Variants in MED12L observed in about 807,000 individuals in gnomAD.
MED12L encodes mediator of RNA polymerase II transcription subunit 12-like protein.
In MED12L, 60 loss-of-function variants were observed where a neutral mutation model predicts 281.3. The observed-to-expected ratio is 0.21, with a 90% CI of 0.17 to 0.26. MED12L has a LOEUF of 0.26. Ranked by LOEUF, MED12L falls within the 10% of genes least tolerant of loss-of-function variation. The pLI is 1.00. For synonymous variants in MED12L, 974 were observed against 987.2 expected, an observed-to-expected ratio of 0.99 and a Z score of 0.25; for missense variants, 2,146 against 2,680.9, an observed-to-expected ratio of 0.80 and a Z score of 4.41.
intron 16 of MED12L, among the ~76,000 whole-genome samples, chr3:151,250,583 A>G (rs1011409510): frequency 1.1e-4 from 17 of 152,306 alleles, no homozygotes; most frequent in African/African-American, 4.1e-4. Context: ...AGGTTCATGC[A>G]TTTTGTAGCA....
intron 43 of MED12L, among the ~76,000 whole-genome samples, chr3:151,417,328 G>T (rs955862305): frequency 6.6e-6 from 1 of 152,092 alleles, no homozygotes; most frequent in African/African-American, 2.4e-5. Context: ...GTGGTATAGA[G>T]ATAGTACATG....
At chr3:151,309,066 CAT>C (rs1747089838) in intron 16 of MED12L, among the ~76,000 whole-genome samples, 2 of 151,752 alleles carry the variant, frequency 1.3e-5, no homozygotes, top group African/African-American at 4.9e-5. Context: ...CACCCTCACC[CAT>C]ATGTAGTAAA....
At chr3:151,171,883 C>T (rs1721475261) in intron 11 of MED12L, among the ~76,000 whole-genome samples, 1 of 152,188 alleles carries the variant, frequency 6.6e-6, no homozygotes, top group African/African-American at 2.4e-5. Context: ...GTCTATGTTT[C>T]TTCTTCTCCT....
chr3:151,362,672 A>G (rs1434013299), intron 21 of MED12L, among the ~76,000 whole-genome samples: 1 of 152,130 alleles, frequency 6.6e-6, no homozygotes, highest in East Asian at 1.9e-4. Context: ...TTTCACTGCT[A>G]CATCCCAGTG....
intron 3 of MED12L, among the ~76,000 whole-genome samples, chr3:151,119,646 T>C (rs1401067084): frequency 6.6e-6 from 1 of 152,204 alleles, no homozygotes; most frequent in Non-Finnish European, 1.5e-5. Context: ...AGAGTATGAA[T>C]GCTTTATGTC....
intron 33 of MED12L, 111 bp from the exon 34 acceptor site, chr3:151,383,668 G>T: frequency 6.1e-6 from 4 of 651,058 alleles, no homozygotes; most frequent in Non-Finnish European, 8.0e-6. Context: ...ATAAACTAGA[G>T]CATCCCTTGT....
In MED12L at chr3:151,432,933, A is replaced by G. The variant is rs1484384396; in HGVS notation, c.*129A>G. 3 of 635,486 alleles carry G rather than the reference A, an allele frequency of 4.7e-6. No individual in the cohort carries two copies. The highest frequency in any genetic ancestry group is 4.5e-5 in the African/African-American group (2 of 44,426). 39.4% of individuals were successfully genotyped at this position (635,486 alleles called of 1,614,324 possible). A position where few individuals can be genotyped will look rare whatever the true frequency, so the allele number is the denominator to read the frequency against. ...TTGACATTTTACTATATTTTATGCT[A>G]CATCTCACAAAAAAAAAAAAAGGTG... On this transcript the variant is annotated 3_prime_UTR_variant, in exon 45 of 45. Coordinates refer to ENST00000687756, the MANE Select transcript of MED12L (RefSeq NM_001393769.1).
chr3:151,134,235 A>G (rs1715815828), intron 5 of MED12L, among the ~76,000 whole-genome samples: 1 of 145,928 alleles, frequency 6.9e-6, no homozygotes, highest in Admixed American at 7.0e-5. Flanking sequence ...GTCCCTCACC[A>G]GGTCTATTGG....
chr3:151,133,407 C>T (rs1715687029), intron 5 of MED12L, among the ~76,000 whole-genome samples: 1 of 152,056 alleles, frequency 6.6e-6, no homozygotes, highest in African/African-American at 2.4e-5. Flanking sequence ...AAGATGTACC[C>T]AGTACACTGT....
At chr3:151,167,005 C>T (rs1720811524) in intron 11 of MED12L, among the ~76,000 whole-genome samples, 2 of 152,118 alleles carry the variant, frequency 1.3e-5, no homozygotes, top group Non-Finnish European at 2.9e-5. Context: ...TTTCTATGGG[C>T]TAGATTAGGC....
intron 16 of MED12L, among the ~76,000 whole-genome samples, chr3:151,286,952 T>C (rs1369861743): frequency 6.6e-6 from 1 of 152,174 alleles, no homozygotes; most frequent in East Asian, 1.9e-4. Context: ...CAGGCTTTAG[T>C]TGAGAGGGCT....
chr3:151,166,155 T>C (rs1387073776), intron 11 of MED12L, among the ~76,000 whole-genome samples, 173 bp downstream of exon 11: 1 of 152,234 alleles, frequency 6.6e-6, no homozygotes, highest in Non-Finnish European at 1.5e-5. Context: ...ATTATTAAAA[T>C]GAAATGTCAG....
intron 39 of MED12L, 92 bp downstream of exon 39, chr3:151,394,959 A>G (rs910678285): frequency 6.6e-7 from 1 of 1,522,178 alleles, no homozygotes; most frequent in African/African-American, 1.4e-5. Flanking sequence ...TTCTTTCTGT[A>G]TGCATATCCC....
In MED12L at chr3:151,371,684, T is replaced by C. The variant is rs543957616; in HGVS notation, c.3665-883T>C. On this transcript the variant is annotated intron_variant, in intron 26 of 44. Transcript: ENST00000687756. Reference sequence around the variant, plus strand: ...TGAAGGCCTACTGTAAAAGCATTTGTTGGTTCCAGGAAATTTTCTTGTCAA... The same window carrying C: ...TGAAGGCCTACTGTAAAAGCATTTGCTGGTTCCAGGAAATTTTCTTGTCAA... 4.8e-4 allele frequency among the ~76,000 whole-genome samples: 73 copies of C among 152,324 alleles called. 3 individuals carry two copies. The South Asian group carries it at 0.015, about 31-fold the overall frequency.
At chr3:151,340,653 A>G (rs3821667) in intron 16 of MED12L, 129,513 of 152,618 alleles carry the variant, frequency 0.85, 54,992 homozygotes, top group Middle Eastern at 0.95. Context: ...AGTTATTGCA[A>G]CCTGCAGAGT....
chr3:151,220,053 A>T (rs940248169), intron 16 of MED12L, among the ~76,000 whole-genome samples: 1 of 149,426 alleles, frequency 6.7e-6, no homozygotes, highest in Non-Finnish European at 1.5e-5. Flanking sequence ...TGGGCCAGAT[A>T]ATTATTTATT....
At chr3:151,380,600 A>C (rs1449631827) in intron 32 of MED12L, among the ~76,000 whole-genome samples, 1 of 52,968 alleles carries the variant, frequency 1.9e-5, no homozygotes, top group Admixed American at 1.6e-4. Flanking sequence ...TCTGTCTCAA[A>C]AAAAAAAAAA....
In MED12L at chr3:151,156,233, C is replaced by G; in HGVS notation, c.629C>G (p.Ser210Cys). The change falls in exon 6 of 45, where the codon TCC becomes TGC. Residue 210 changes from serine to cysteine, a missense_variant. Physicochemically the swap from Ser to Cys is moderately radical, Grantham distance 112. Coordinates refer to ENST00000687756, the MANE Select transcript of MED12L (RefSeq NM_001393769.1). ...AKISDFYHMA[S>C]STGDGPVPVP... ...ATTTCTGACTTTTACCACATGGCCT[C>G]CAGCACGGGCGATGGCCCTGTCCCT... The G allele has an allele frequency of 6.2e-7, 1 of 1,613,594 alleles. No individual in the cohort carries two copies. The highest frequency in any genetic ancestry group is 8.5e-7 in the Non-Finnish European group (1 of 1,179,788).
intron 5 of MED12L, among the ~76,000 whole-genome samples, chr3:151,134,218 A>G (rs2148829475): frequency 6.6e-6 from 1 of 150,488 alleles, no homozygotes; most frequent in South Asian, 2.1e-4. Context: ...CTGTTTGAAA[A>G]TGGTCAGTCC....
Sources: allele counts gnomAD v4.1 joint callset (sites outside exome capture counted in the v4.1 genomes callset), GRCh38; gene constraint gnomAD v4.1.1; transcripts MANE v1.5; gene names NCBI Gene and HGNC (gene_info 2026-07-23, HGNC 2026-07-21).